Variants in SPOCK1 observed in about 807,000 individuals in gnomAD.
SPOCK1 encodes testican-1.
In SPOCK1, 23 loss-of-function variants were observed where a neutral mutation model predicts 55.3. The observed-to-expected ratio is 0.42, with a 90% CI of 0.30 to 0.59. The LOEUF (loss-of-function observed/expected upper bound fraction) is 0.59, where lower values mean the gene tolerates loss of function less well. SPOCK1 is among the 20% of genes least tolerant of loss of function. The pLI, the probability that SPOCK1 is intolerant of heterozygous loss-of-function variation, is 0.22. For missense variants in SPOCK1, 499 were observed against 552.5 expected (o/e 0.90, Z 0.97); for synonymous variants, 226 against 221.0 (o/e 1.02, Z -0.20).
chr5:136,978,568 G>C lies in SPOCK1; in HGVS notation c.*86C>G. The C allele has an allele frequency of 7.0e-7, 1 of 1,421,476 alleles. No individual in the cohort carries two copies. 88.1% of individuals were successfully genotyped at this position (1,421,476 alleles called of 1,614,324 possible). A position where few individuals can be genotyped will look rare whatever the true frequency, so the allele number is the denominator to read the frequency against. Reference sequence around the variant, plus strand: ...AGAGCAACAATGGAGAAGAGACCTTGGTGCCTTGGAGTCTTAGATACAAAT... The same window carrying C: ...AGAGCAACAATGGAGAAGAGACCTTCGTGCCTTGGAGTCTTAGATACAAAT... On this transcript the variant is annotated 3_prime_UTR_variant, in exon 11 of 11. Coordinates refer to ENST00000394945, the MANE Select transcript of SPOCK1 (RefSeq NM_004598.4).
At chr5:137,123,489 T>A (rs932246051) in intron 4 of SPOCK1, among the ~76,000 whole-genome samples, 3 of 152,194 alleles carry the variant, frequency 2.0e-5, no homozygotes, top group African/African-American at 7.2e-5. Context: ...CAGTTGGTAC[T>A]CAACTGCCCC....
chr5:137,214,547 C>T (rs1444261036), intron 3 of SPOCK1, among the ~76,000 whole-genome samples: 2 of 152,046 alleles, frequency 1.3e-5, no homozygotes, highest in African/African-American at 4.8e-5. Flanking sequence ...CACTCAACAA[C>T]AACGATGTCA....
rs542791703 is a variant in SPOCK1, at chr5:137,468,916, C to T, written c.186+29457G>A. Among the ~76,000 whole-genome samples the T allele has an allele frequency of 3.3e-5, 5 of 152,314 alleles. No homozygotes were observed. The South Asian group carries it at 1.0e-3, about 32-fold the overall frequency. On this transcript the variant is annotated intron_variant, in intron 2 of 10. Transcript: ENST00000394945. ...CCGACAACTGTCCCCTCACCCACCT[C>T]ATCACAATTAAGGCCCATGATAATG... is the stretch of plus-strand genomic sequence containing the variant.
chr5:137,051,228 C>A (rs1752201742), intron 6 of SPOCK1, among the ~76,000 whole-genome samples: 1 of 152,184 alleles, frequency 6.6e-6, no homozygotes, highest in African/African-American at 2.4e-5. Flanking sequence ...AAGTATGAGA[C>A]TGATTATTAG....
At chr5:137,306,386 A>C (rs984576524) in intron 2 of SPOCK1, among the ~76,000 whole-genome samples, 3 of 151,918 alleles carry the variant, frequency 2.0e-5, no homozygotes, top group African/African-American at 7.3e-5. Flanking sequence ...TTGTTCCTCT[A>C]TCTCTGGGTG....
chr5:137,392,064 T>A (rs1751737056), intron 2 of SPOCK1, among the ~76,000 whole-genome samples: 1 of 152,208 alleles, frequency 6.6e-6, no homozygotes, highest in Non-Finnish European at 1.5e-5. Context: ...CACTTGACCA[T>A]ACCCTATTCC....
intron 2 of SPOCK1, among the ~76,000 whole-genome samples, chr5:137,400,707 A>G (rs1751955325): frequency 6.6e-6 from 1 of 152,214 alleles, no homozygotes; most frequent in South Asian, 2.1e-4. Flanking sequence ...CTCAGCACAC[A>G]CAGCACTCAG....
At chr5:137,378,266 G>C (rs548177852) in intron 2 of SPOCK1, among the ~76,000 whole-genome samples, 13 of 152,172 alleles carry the variant, frequency 8.5e-5, no homozygotes, top group Non-Finnish European at 1.9e-4. Context: ...TCTTAGCTTT[G>C]TTCTGCATGA....
chr5:137,037,879 T>C (rs1273409704), intron 6 of SPOCK1, among the ~76,000 whole-genome samples: 1 of 152,224 alleles, frequency 6.6e-6, no homozygotes, highest in Non-Finnish European at 1.5e-5. Flanking sequence ...ATGCAGCCAG[T>C]AGCTGCATTT....
chr5:137,487,362 C>G (rs1311889897), intron 2 of SPOCK1, among the ~76,000 whole-genome samples: 1 of 150,768 alleles, frequency 6.6e-6, no homozygotes, highest in Admixed American at 6.6e-5. Context: ...AAACCTCTGG[C>G]CAACCAAGAA....
rs142808214 is a variant in SPOCK1, at chr5:137,302,023, T to C, written c.187-34968A>G. 9.9e-4 allele frequency among the ~76,000 whole-genome samples: 151 copies of C among 152,118 alleles called. 2 individuals are homozygous for C. Among genetic ancestry groups the C allele is most frequent in the African/African-American group, 3.4e-3 (140 of 41,504 alleles). On this transcript the variant is annotated intron_variant, in intron 2 of 10. Coordinates refer to ENST00000394945, the MANE Select transcript of SPOCK1 (RefSeq NM_004598.4). ...TGCTTTCAACCATTATAAAATGAAA[T>C]TGGTTCTTGAAGAGGCATCTTATAA...
chr5:137,178,707 G>A (rs1754908301), intron 3 of SPOCK1, among the ~76,000 whole-genome samples: 1 of 152,214 alleles, frequency 6.6e-6, no homozygotes. Context: ...CCTCAAGTGA[G>A]AAGGGGGCAG....
chr5:137,321,197 G>GAAAAAAAAAAAAAAAAAAA (rs754227950), intron 2 of SPOCK1, among the ~76,000 whole-genome samples: 1 of 83,106 alleles, frequency 1.2e-5, no homozygotes, highest in Non-Finnish European at 2.6e-5. Flanking sequence ...ACACCAACCA[G>GAAAAAAAAAAAAAAAAAAA]AAAAAAAAAA....
At chr5:137,188,828 GT>G (rs1287300338) in intron 3 of SPOCK1, among the ~76,000 whole-genome samples, 2 of 152,256 alleles carry the variant, frequency 1.3e-5, no homozygotes, top group African/African-American at 4.8e-5. Flanking sequence ...ATTTAGCCAA[GT>G]TGTGAATACA....
intron 3 of SPOCK1, among the ~76,000 whole-genome samples, chr5:137,179,249 C>G (rs193042786): frequency 5.3e-5 from 8 of 152,328 alleles, no homozygotes; most frequent in Non-Finnish European, 1.0e-4. Context: ...AACAAAATAT[C>G]TGTCCCCTTC....
rs552956472 is a variant in SPOCK1, at chr5:137,202,286, GGTTTGTCTACTT to G, written c.233-61604_233-61593del. Among the ~76,000 whole-genome samples, 154 of 152,302 alleles carry G rather than the reference GGTTTGTCTACTT, an allele frequency of 1.0e-3. 3 individuals are homozygous for G. In the Middle Eastern group the frequency reaches 0.014, roughly 13 times the overall value. The stretch of plus-strand genomic sequence containing the variant: ...AGAAAGAAGTCATGGGGGAAGGTAT[GGTTTGTCTACTT>G]GTTCAAAATCTGGACAAAACACTTG... On this transcript the variant is annotated intron_variant, in intron 3 of 10. Coordinates refer to ENST00000394945, the MANE Select transcript of SPOCK1 (RefSeq NM_004598.4).
At position 137,327,758 on chromosome 5, in the gene SPOCK1, G is replaced by A. The variant is rs569653203; in HGVS notation, c.187-60703C>T. On this transcript the variant is annotated intron_variant, in intron 2 of 10. Coordinates refer to ENST00000394945, the MANE Select transcript of SPOCK1 (RefSeq NM_004598.4). ...AAAAACACATAGCTCTTAGAGTCGC[G>A]GTGAAGAAAATGAACCAAAATCATA... Among the ~76,000 whole-genome samples, 31 of 152,254 alleles carry A rather than the reference G, an allele frequency of 2.0e-4. 1 individual carries two copies. The South Asian group carries it at 3.5e-3, about 17-fold the overall frequency.
intron 6 of SPOCK1, among the ~76,000 whole-genome samples, chr5:137,064,495 C>T (rs1014629181): frequency 6.6e-6 from 1 of 152,186 alleles, no homozygotes; most frequent in African/African-American, 2.4e-5. Context: ...CGGTCCAGAG[C>T]CACAATGTGT....
At chr5:137,216,162 G>A (rs1005892798) in intron 3 of SPOCK1, among the ~76,000 whole-genome samples, 7 of 152,186 alleles carry the variant, frequency 4.6e-5, no homozygotes, top group African/African-American at 1.7e-4. Context: ...TAAATGACAG[G>A]AGGGACTCAG....
Sources: allele counts gnomAD v4.1 joint callset (sites outside exome capture counted in the v4.1 genomes callset), GRCh38; gene constraint gnomAD v4.1.1; transcripts MANE v1.5; gene names NCBI Gene and HGNC (gene_info 2026-07-23, HGNC 2026-07-21).